RBMS3: variants seen among roughly 807,000 people sequenced by gnomAD.
RBMS3 encodes RNA-binding motif, single-stranded-interacting protein 3.
Under a neutral mutation model 66.8 loss-of-function variants are expected in RBMS3, and 27 were observed. The ratio of observed to expected loss-of-function variants is 0.40; its 90% CI spans 0.30 to 0.56. The LOEUF is 0.56. RBMS3 is among the 20% of genes least tolerant of loss of function. The pLI, the probability that RBMS3 is intolerant of heterozygous loss-of-function variation, is 0.40. For missense variants in RBMS3, 513 were observed against 549.5 expected, an observed-to-expected ratio of 0.93 and a Z score of 0.66; for synonymous variants, 188 against 183.0, an observed-to-expected ratio of 1.03 and a Z score of -0.22.
intron 1 of RBMS3, among the ~76,000 whole-genome samples, chr3:29,357,045 TTA>T (rs1471619090): frequency 6.6e-6 from 1 of 152,064 alleles, no homozygotes; most frequent in Admixed American, 6.6e-5. Context: ...TATTTTATTT[TTA>T]TATATATATT....
At chr3:29,355,497 A>G (rs2037167392) in intron 1 of RBMS3, among the ~76,000 whole-genome samples, 1 of 152,102 alleles carries the variant, frequency 6.6e-6, no homozygotes, top group African/African-American at 2.4e-5. Context: ...GGAACTTCCT[A>G]ACACATTACC....
chr3:29,434,859 C>T lies in RBMS3; in HGVS notation c.192C>T (p.Tyr64=), dbSNP rs1370935977. ...AACAGTTGAGTAAAACCAACCTGTA[C>T]ATTCGAGGCCTCCCACCAGGCACCA... is the stretch of plus-strand genomic sequence containing the variant. ...SGEQLSKTNL[Y]IRGLPPGTTD... The change falls in exon 2 of 15, where the codon TAC becomes TAT. Residue 64 remains tyrosine (Y), a synonymous_variant. Transcript: ENST00000383767. 6 of 1,614,000 alleles carry T rather than the reference C, an allele frequency of 3.7e-6. No homozygotes were observed. The East Asian group carries it at 6.7e-5, about 18-fold the overall frequency.
rs1168820590 is a variant in RBMS3, at chr3:29,517,269, ATATGTGTGTGTG to A, written c.307+28772_307+28783del. On this transcript the variant is annotated intron_variant, in intron 3 of 14. Transcript: ENST00000383767. ...ATCTGTGTATGTGAGGTGATTTCAT[ATATGTGTGTGTG>A]TGTGTGTGTGTGTGTGTGTGTGTGT... is the stretch of plus-strand genomic sequence containing the variant. Among the ~76,000 whole-genome samples, 33 of 120,568 alleles carry A rather than the reference ATATGTGTGTGTG, an allele frequency of 2.7e-4. 1 individual carries two copies. Among genetic ancestry groups the A allele is most frequent in the East Asian group, 9.3e-4 (4 of 4,324 alleles). 79.1% of individuals were successfully genotyped at this position (120,568 alleles called of 152,430 possible). A position where few individuals can be genotyped will look rare whatever the true frequency, so the allele number is the denominator to read the frequency against.
rs1224447865 is a variant in RBMS3 at position 29,587,139 on chromosome 3, T to G, written c.333T>G (p.Ser111Arg). The change falls in exon 4 of 15, where the codon AGT becomes AGG. Residue 111 changes from serine (S) to arginine (R), a missense_variant. Ser to Arg is a moderately radical substitution (Grantham distance 110). Transcript: ENST00000383767. Reference protein sequence around the residue: ...CKGYGFVDFDSPAAAQKAVAS... With the variant: ...CKGYGFVDFDRPAAAQKAVAS... ...GTTATGGTTTTGTAGATTTTGACAGTCCTGCAGCCGCACAGAAAGCGGTAG... is the reference window on the plus strand; with the variant it reads ...GTTATGGTTTTGTAGATTTTGACAGGCCTGCAGCCGCACAGAAAGCGGTAG... The G allele has an allele frequency of 1.9e-6, 3 of 1,609,974 alleles. No individual in the cohort carries two copies. The highest frequency in any genetic ancestry group is 1.7e-6 in the Non-Finnish European group (2 of 1,178,324).
intron 1 of RBMS3, among the ~76,000 whole-genome samples, chr3:29,391,397 A>T (rs1291894825): frequency 6.6e-6 from 1 of 152,248 alleles, no homozygotes; most frequent in African/African-American, 2.4e-5. Flanking sequence ...AACTGTTAAG[A>T]ATCCAGAAAA....
chr3:29,399,930 G>A (rs912807251), intron 1 of RBMS3, among the ~76,000 whole-genome samples: 1 of 151,960 alleles, frequency 6.6e-6, no homozygotes, highest in South Asian at 2.1e-4. Context: ...TTTTAGAATG[G>A]TCAAGAGATA....
chr3:29,660,857 G>A (rs904419572), intron 4 of RBMS3, among the ~76,000 whole-genome samples: 8 of 152,198 alleles, frequency 5.3e-5, no homozygotes, highest in African/African-American at 1.9e-4. Flanking sequence ...ATAGGGATAA[G>A]GCACTGGAAA....
At chr3:29,870,684 G>T (rs1367987158) in intron 7 of RBMS3, among the ~76,000 whole-genome samples, 1 of 152,038 alleles carries the variant, frequency 6.6e-6, no homozygotes, top group Non-Finnish European at 1.5e-5. Flanking sequence ...TTGAGTTTAG[G>T]ACCCAGAGCA....
chr3:29,482,738 C>A (rs763170114), intron 2 of RBMS3, among the ~76,000 whole-genome samples: 3 of 94,854 alleles, frequency 3.2e-5, no homozygotes, highest in African/African-American at 1.2e-4. Context: ...GACGGAGTGT[C>A]GCTCTGTCAC....
At chr3:29,436,625 A>T (rs1269640431) in intron 2 of RBMS3, among the ~76,000 whole-genome samples, 1 of 152,240 alleles carries the variant, frequency 6.6e-6, no homozygotes, top group Non-Finnish European at 1.5e-5. Flanking sequence ...TTTATGATAG[A>T]AGGTTCAGGT....
At chr3:29,465,601 G>A (rs575990529) in intron 2 of RBMS3, among the ~76,000 whole-genome samples, 6 of 150,374 alleles carry the variant, frequency 4.0e-5, no homozygotes, top group South Asian at 2.1e-4. Context: ...CTTTCAGAAC[G>A]CGTACTTTGT....
At chr3:29,750,445 A>G (rs1205087410) in intron 5 of RBMS3, among the ~76,000 whole-genome samples, 1 of 152,238 alleles carries the variant, frequency 6.6e-6, no homozygotes, top group African/African-American at 2.4e-5. Flanking sequence ...TATAATAATC[A>G]TAATTATGTC....
chr3:29,617,917 T>G (rs1020912004), intron 4 of RBMS3, among the ~76,000 whole-genome samples: 1 of 152,148 alleles, frequency 6.6e-6, no homozygotes, highest in Non-Finnish European at 1.5e-5. Flanking sequence ...TCCAGGGAAG[T>G]GAAGTCATGG....
chr3:29,615,497 T>C (rs1014030475), intron 4 of RBMS3, among the ~76,000 whole-genome samples: 4 of 147,778 alleles, frequency 2.7e-5, no homozygotes, highest in Non-Finnish European at 4.5e-5. Context: ...CACACACACA[T>C]AAAATGATTG....
intron 11 of RBMS3, 25 bp from the exon 12 acceptor site, chr3:29,944,178 ATTCT>A (rs769904347): frequency 8.1e-5 from 126 of 1,551,572 alleles, no homozygotes; most frequent in Non-Finnish European, 8.0e-6. Context: ...ACTTCATTGC[ATTCT>A]TTCTCATGCT....
chr3:29,284,862 CTTTTTTTT>C (rs773078453), intron 1 of RBMS3, among the ~76,000 whole-genome samples: 1 of 112,774 alleles, frequency 8.9e-6, no homozygotes, highest in Middle Eastern at 6.5e-3. Context: ...ATGAATTTTT[CTTTTTTTT>C]TTTTTTTTTT....
At position 29,476,612 on chromosome 3, in the gene RBMS3, G is replaced by A. The variant is rs529684465; in HGVS notation, c.249-11829G>A. ...CAAAATTTAATACAAGGAGATTAAC[G>A]TATTGACAAAATAGCTGTGGTCTCT... On this transcript the variant is annotated intron_variant, in intron 2 of 14. Transcript: ENST00000383767. Among the ~76,000 whole-genome samples the A allele has an allele frequency of 8.8e-4, 134 of 152,208 alleles. 1 individual carries two copies. The highest frequency in any genetic ancestry group is 2.6e-3 in the African/African-American group (109 of 41,542).
At chr3:29,800,751 A>C (rs1023800456) in intron 6 of RBMS3, among the ~76,000 whole-genome samples, 1 of 152,204 alleles carries the variant, frequency 6.6e-6, no homozygotes, top group East Asian at 1.9e-4. Context: ...GCAAAACAAA[A>C]CCTTTTCTTT....
At chr3:29,763,460 A>T (rs531327526) in intron 6 of RBMS3, among the ~76,000 whole-genome samples, 5 of 152,144 alleles carry the variant, frequency 3.3e-5, no homozygotes, top group Middle Eastern at 3.4e-3. Flanking sequence ...AATGTCATGA[A>T]ATCTCAGTGC....
Sources: allele counts gnomAD v4.1 joint callset (sites outside exome capture counted in the v4.1 genomes callset), GRCh38; gene constraint gnomAD v4.1.1; transcripts MANE v1.5; gene names NCBI Gene and HGNC (gene_info 2026-07-23, HGNC 2026-07-21).